The following DCPH1 variants were observed in gnomAD, a reference collection of about 807,000 sequenced individuals.
DCPH1 encodes damage-control phosphatase 1.
chr6:151,463,957 T>TA, the DCPH1 span, among the ~76,000 whole-genome samples: 1 of 152,256 alleles, frequency 6.6e-6, no homozygotes, highest in African/African-American at 2.4e-5. Context: ...TTCTAAAACT[T>TA]ACAATAGTAT....
chr6:151,458,059 C>T, the DCPH1 span, among the ~76,000 whole-genome samples: 2 of 152,106 alleles, frequency 1.3e-5, no homozygotes, highest in Non-Finnish European at 2.9e-5. Context: ...GAAAATCTGG[C>T]AGGGGTTCCT....
At chr6:151,460,239 C>G in the DCPH1 span, among the ~76,000 whole-genome samples, 2 of 151,944 alleles carry the variant, frequency 1.3e-5, no homozygotes, top group East Asian at 4.0e-4. Context: ...CCCACCATGC[C>G]TGGCTAACTT....
At chr6:151,468,816 A>T in the DCPH1 span, 4 of 1,614,220 alleles carry the variant, frequency 2.5e-6, no homozygotes, top group South Asian at 4.4e-5. Context: ...AGTACTGTGC[A>T]ATGCCTCAGG....
At chr6:151,458,485 GTGA>G in the DCPH1 span, 1 of 1,613,404 alleles carries the variant, frequency 6.2e-7, no homozygotes, top group East Asian at 2.2e-5. Flanking sequence ...TTAAATGAAA[GTGA>G]TGGAAAATCA....
the DCPH1 span, chr6:151,452,611 A>T: frequency 6.3e-7 from 1 of 1,594,990 alleles, no homozygotes; most frequent in Non-Finnish European, 8.5e-7. Flanking sequence ...TCTCCTCCCC[A>T]CTTTTGCGGA....
At chr6:151,464,852 A>C in the DCPH1 span, among the ~76,000 whole-genome samples, 150 of 152,336 alleles carry the variant, frequency 9.8e-4, no homozygotes, top group Middle Eastern at 6.8e-3. Context: ...AGCTTCTGTC[A>C]TACTTGAGAG....
chr6:151,458,249 G>A, the DCPH1 span: 1 of 1,498,238 alleles, frequency 6.7e-7, no homozygotes, highest in Non-Finnish European at 8.9e-7. Context: ...TTCTTCTTAA[G>A]TCTGTAAAAA....
the DCPH1 span, among the ~76,000 whole-genome samples, chr6:151,466,083 T>C: frequency 3.3e-5 from 5 of 152,186 alleles, no homozygotes; most frequent in African/African-American, 1.2e-4. Flanking sequence ...CACACCTGGC[T>C]AATTTTTGTA....
the DCPH1 span, chr6:151,468,411 T>C: frequency 1.9e-6 from 3 of 1,601,030 alleles, no homozygotes; most frequent in Non-Finnish European, 2.6e-6. Flanking sequence ...AGAATACCAA[T>C]GTACTAAATT....
At chr6:151,463,491 A>G in the DCPH1 span, among the ~76,000 whole-genome samples, 1 of 152,232 alleles carries the variant, frequency 6.6e-6, no homozygotes, top group Admixed American at 6.5e-5. Flanking sequence ...ATGATGTGCC[A>G]TAGGTTCTGA....
the DCPH1 span, among the ~76,000 whole-genome samples, chr6:151,461,829 G>A: frequency 6.6e-6 from 1 of 152,198 alleles, no homozygotes; most frequent in Admixed American, 6.5e-5. Flanking sequence ...GGGATAGAGG[G>A]AACATGCATC....
the DCPH1 span, chr6:151,469,683 A>G: frequency 6.6e-6 from 1 of 152,670 alleles, no homozygotes; most frequent in Non-Finnish European, 1.5e-5. Flanking sequence ...TTTCATTTCA[A>G]TAGCTTGTTT....
At chr6:151,467,865 C>G in the DCPH1 span, among the ~76,000 whole-genome samples, 26 of 152,178 alleles carry the variant, frequency 1.7e-4, 1 homozygote, top group East Asian at 4.8e-3. Flanking sequence ...TTAAATTTTA[C>G]AAATGAGAGA....
the DCPH1 span, chr6:151,458,439 A>G: frequency 6.2e-6 from 10 of 1,611,866 alleles, no homozygotes; most frequent in Non-Finnish European, 6.8e-6. Flanking sequence ...TGATACTGAT[A>G]TATGGAATCA....
chr6:151,454,757 A>G, the DCPH1 span: 1 of 595,332 alleles, frequency 1.7e-6, no homozygotes, highest in African/African-American at 1.9e-5. Context: ...AAATCAATAG[A>G]TGGGCCAAGT....
At chr6:151,464,674 C>A in the DCPH1 span, 1 of 1,140,580 alleles carries the variant, frequency 8.8e-7, no homozygotes, top group Non-Finnish European at 1.2e-6. Flanking sequence ...AAATAAACTG[C>A]TATACAGTTA....
At chr6:151,454,691 C>T in the DCPH1 span, 29 of 1,015,116 alleles carry the variant, frequency 2.9e-5, no homozygotes, top group African/African-American at 4.2e-4. Flanking sequence ...TTGTTAATTT[C>T]TCAACAGAAA....
the DCPH1 span, chr6:151,469,885 G>A: frequency 2.0e-5 from 3 of 152,098 alleles, no homozygotes; most frequent in Non-Finnish European, 2.9e-5. Flanking sequence ...TGCAGTTTTA[G>A]GAAAATGCTT....
chr6:151,465,841 C>T, the DCPH1 span, among the ~76,000 whole-genome samples: 2 of 152,110 alleles, frequency 1.3e-5, no homozygotes, highest in Non-Finnish European at 2.9e-5. Flanking sequence ...TACCTGGAGA[C>T]GAAGCCCTGG....
Sources: gnomAD v4.1 joint callset for allele counts (sites outside exome capture counted in the v4.1 genomes callset) on GRCh38, gnomAD v4.1.1 for gene constraint, MANE v1.5 for transcripts, NCBI Gene and HGNC (gene_info 2026-07-23, HGNC 2026-07-21) for gene names.